Variants in RUNX1 observed in about 807,000 individuals in gnomAD.
The protein encoded by RUNX1 is runt-related transcription factor 1.
RUNX1 carries 19 observed loss-of-function variants against 42.8 expected under a neutral mutation model. The ratio of observed to expected loss-of-function variants is 0.44; its 90% confidence interval spans 0.31 to 0.65. The LOEUF is 0.65. RUNX1 is among the 30% of genes least tolerant of loss of function. RUNX1 has a pLI of 0.07. For missense variants in RUNX1, 528 were observed against 672.0 expected (o/e 0.79, Z 2.37); for synonymous variants, 271 against 289.4 (o/e 0.94, Z 0.64).
intron 2 of RUNX1, among the ~76,000 whole-genome samples, chr21:34,989,766 A>G (rs900353770): frequency 1.3e-5 from 2 of 152,238 alleles, no homozygotes; most frequent in Non-Finnish European, 2.9e-5. Flanking sequence ...AAAGCCTTTC[A>G]GCTCACTATA....
rs115552070 is a variant in RUNX1, at chr21:34,817,581, A to G, written c.805+16829T>C. On this transcript the variant is annotated intron_variant, in intron 7 of 8. Transcript: ENST00000675419. ...GGCTCAGGTAAGAGCCTACCTGATC[A>G]CAAACAGAGCTGGGAGATTTGTCGA... Among the ~76,000 whole-genome samples the G allele has an allele frequency of 5.9e-3, 897 of 152,248 alleles. 8 individuals carry two copies. The highest frequency in any genetic ancestry group is 0.021 in the African/African-American group (852 of 41,542).
chr21:34,874,549 G>A (rs2057785816), intron 5 of RUNX1, among the ~76,000 whole-genome samples: 1 of 140,894 alleles, frequency 7.1e-6, no homozygotes, highest in Non-Finnish European at 1.5e-5. Context: ...GGTGGAGGTT[G>A]CAGTGAGCTG....
intron 2 of RUNX1, among the ~76,000 whole-genome samples, chr21:34,999,780 G>A (rs1234346244): frequency 3.9e-5 from 6 of 152,162 alleles, no homozygotes; most frequent in Admixed American, 1.3e-4. Flanking sequence ...GGCACAAGAC[G>A]GTGTAAATCC....
intron 2 of RUNX1, among the ~76,000 whole-genome samples, chr21:34,908,837 C>A (rs1338392789): frequency 6.6e-6 from 1 of 151,986 alleles, no homozygotes; most frequent in Non-Finnish European, 1.5e-5. Flanking sequence ...AGAATGGGAC[C>A]AATGATTCAG....
intron 6 of RUNX1, among the ~76,000 whole-genome samples, chr21:34,842,269 G>C (rs1242418893): frequency 7.9e-5 from 12 of 151,968 alleles, no homozygotes. Context: ...GACACAGGCG[G>C]GTCACTTGAG....
intron 2 of RUNX1, among the ~76,000 whole-genome samples, chr21:35,003,649 G>C (rs531662715): frequency 6.6e-6 from 1 of 152,206 alleles, no homozygotes; most frequent in East Asian, 1.9e-4. Flanking sequence ...CAAAGCCACA[G>C]CTTTATCTCC....
intron 3 of RUNX1, among the ~76,000 whole-genome samples, chr21:34,889,273 C>T (rs974342178): frequency 6.6e-6 from 1 of 152,132 alleles, no homozygotes; most frequent in Non-Finnish European, 1.5e-5. Context: ...GCTCCTGCAC[C>T]GTCCGGCTGG....
intron 2 of RUNX1, 74 bp from the exon 3 acceptor site, chr21:34,893,037 T>C: frequency 1.1e-6 from 1 of 944,340 alleles, no homozygotes; most frequent in African/African-American, 1.6e-5. Flanking sequence ...TTTTTTTTTT[T>C]TGCTAGCTCA....
intron 3 of RUNX1, 39 bp downstream of exon 3, chr21:34,892,886 T>C (rs924825421): frequency 2.5e-6 from 3 of 1,198,046 alleles, no homozygotes; most frequent in East Asian, 2.3e-5. Flanking sequence ...TATGAAGGTG[T>C]GTACTTTATT....
At chr21:34,887,418 A>C in intron 3 of RUNX1, 1 of 1,368,106 alleles carries the variant, frequency 7.3e-7, no homozygotes, top group Non-Finnish European at 9.4e-7. Context: ...TGCAGAGGTT[A>C]AGTTCTGTCT....
chr21:34,800,898 T>A (rs897060512), intron 7 of RUNX1, among the ~76,000 whole-genome samples: 2 of 152,198 alleles, frequency 1.3e-5, no homozygotes, highest in African/African-American at 4.8e-5. Context: ...AAGAAAGGTC[T>A]TCATTTTATT....
chr21:35,008,643 C>G (rs1226056824), intron 2 of RUNX1, among the ~76,000 whole-genome samples: 1 of 152,212 alleles, frequency 6.6e-6, no homozygotes, highest in African/African-American at 2.4e-5. Flanking sequence ...ATGTGCACTG[C>G]AAGAATATTT....
intron 7 of RUNX1, among the ~76,000 whole-genome samples, chr21:34,815,519 T>C (rs949373703): frequency 2.0e-5 from 3 of 151,894 alleles, no homozygotes; most frequent in African/African-American, 7.3e-5. Flanking sequence ...GAAGCTTCCA[T>C]GAGGAGTGGG....
intron 2 of RUNX1, among the ~76,000 whole-genome samples, chr21:34,986,004 C>T (rs1343560348): frequency 6.6e-6 from 1 of 151,516 alleles, no homozygotes; most frequent in African/African-American, 2.4e-5. Context: ...TCCAAAGTAG[C>T]TGGTACTACA....
chr21:34,791,774 CTT>C lies in RUNX1; in HGVS notation c.*359_*360del. 1 of 226,232 alleles carries C rather than the reference CTT, an allele frequency of 4.4e-6. No homozygotes were observed. Among genetic ancestry groups the C allele is most frequent in the Admixed American group, 5.7e-5 (1 of 17,484 alleles). The allele number at this position is 226,232 out of a possible 1,614,324, so 14.0% of individuals were successfully genotyped here. A position where few individuals can be genotyped will look rare whatever the true frequency, so the allele number is the denominator to read the frequency against. On this transcript the variant is annotated 3_prime_UTR_variant, in exon 9 of 9. Coordinates refer to ENST00000675419, the MANE Select transcript of RUNX1 (RefSeq NM_001754.5). ...GTTAAGTCAAGGGTATAAAATCTTT[CTT>C]TTTATTCACAGCATTGCTAAATCAG...
At chr21:34,988,121 G>A (rs1011496286) in intron 2 of RUNX1, among the ~76,000 whole-genome samples, 2 of 152,134 alleles carry the variant, frequency 1.3e-5, no homozygotes, top group African/African-American at 4.8e-5. Flanking sequence ...CCTCAAGGCT[G>A]GGCTTAGGAT....
At chr21:34,999,060 G>A (rs1244173119) in intron 2 of RUNX1, among the ~76,000 whole-genome samples, 2 of 152,236 alleles carry the variant, frequency 1.3e-5, no homozygotes, top group Admixed American at 6.5e-5. Context: ...TAGGTGAGTT[G>A]TGCTGGCCAT....
intron 5 of RUNX1, among the ~76,000 whole-genome samples, chr21:34,869,326 T>C (rs911754561): frequency 6.6e-6 from 1 of 152,152 alleles, no homozygotes; most frequent in Admixed American, 6.5e-5. Flanking sequence ...TGAAAGGCAC[T>C]CTTAAACCTA....
At chr21:34,828,287 T>C (rs371917334) in intron 7 of RUNX1, among the ~76,000 whole-genome samples, 50 of 152,254 alleles carry the variant, frequency 3.3e-4, no homozygotes, top group African/African-American at 1.2e-3. Flanking sequence ...CAGTTACCCC[T>C]ATTTTCTTGC....
Sources: allele counts gnomAD v4.1 joint callset (sites outside exome capture counted in the v4.1 genomes callset), GRCh38; gene constraint gnomAD v4.1.1; transcripts MANE v1.5; gene names NCBI Gene and HGNC (gene_info 2026-07-23, HGNC 2026-07-21).